The following DNAAF3 variants were observed in gnomAD, a reference collection of about 807,000 sequenced individuals.
The protein encoded by DNAAF3 is dynein axonemal assembly factor 3.
In DNAAF3, 40 loss-of-function variants were observed where a neutral mutation model predicts 50.9. That is an observed-to-expected ratio of 0.79 (90% CI 0.61 to 1.02). DNAAF3 has a LOEUF of 1.02. Ranked by LOEUF, DNAAF3 falls within the 50% of genes least tolerant of loss-of-function variation. The pLI is 0.00. For missense variants in DNAAF3, 763 were observed against 744.7 expected (o/e 1.02, Z -0.29); for synonymous variants, 327 against 322.8 (o/e 1.01, Z -0.14).
Position 55,166,609 on chromosome 19 carries a change from G to GGC in DNAAF3, c.-92_-91insGC, listed in dbSNP as rs1199439750. On this transcript the variant is annotated 5_prime_UTR_variant, in exon 1 of 12. Transcript: ENST00000524407. The surrounding 1 kb of genome is among the most constrained non-coding windows in gnomAD (Gnocchi z 4.0). ...CGCGGCACTCCACAACCGCTGCCCA[G>GGC]AGTCCCCGCCCTTTTCGAGGAATCA... The GGC allele has an allele frequency of 3.7e-6, 6 of 1,613,980 alleles. No individual in the cohort carries two copies. The highest frequency in any genetic ancestry group is 5.1e-6 in the Non-Finnish European group (6 of 1,180,010).
At chr19:55,166,617 GCCCTTTT>G (rs2085944204), upstream of DNAAF3, 7 of 1,613,790 alleles carry the variant, frequency 4.3e-6, no homozygotes, top group Non-Finnish European at 5.9e-6. The surrounding 1 kb of genome is among the most constrained non-coding windows in gnomAD (Gnocchi z 4.0). Flanking sequence ...CAGAGTCCCC[GCCCTTTT>G]CGAGGAATCA....
At position 55,162,299 on chromosome 19, in the gene DNAAF3, A is replaced by AG; in HGVS notation, c.323-10dup. 1 of 1,249,948 alleles carries AG rather than the reference A, an allele frequency of 8.0e-7. No homozygotes were observed. The highest frequency in any genetic ancestry group is 1.0e-6 in the Non-Finnish European group (1 of 988,618). 77.4% of individuals were successfully genotyped at this position (1,249,948 alleles called of 1,614,324 possible). Reference sequence around the variant, plus strand: ...GAAGGTCTCGCTTCGCTCTACGGAGAGAGGGAGATAATTGCGGGAATGTGT... The same window carrying AG: ...GAAGGTCTCGCTTCGCTCTACGGAGAGGAGGGAGATAATTGCGGGAATGTGT... On this transcript the variant is annotated splice_polypyrimidine_tract_variant and intron_variant, in intron 4 of 11. Coordinates refer to ENST00000524407, the MANE Select transcript of DNAAF3 (RefSeq NM_001256715.2).
At chr19:55,162,034 C>A in intron 5 of DNAAF3, 99 bp downstream of exon 5, 1 of 1,334,870 alleles carries the variant, frequency 7.5e-7, no homozygotes, top group South Asian at 2.0e-5. Context: ...TTCGAACCCC[C>A]TAGCCCGCCG....
Position 55,166,481 on chromosome 19 carries a change from C to T in DNAAF3, c.-5+42G>A. On this transcript the variant is annotated intron_variant, in intron 1 of 11. Coordinates refer to ENST00000524407, the MANE Select transcript of DNAAF3 (RefSeq NM_001256715.2). The surrounding 1 kb of genome is among the most constrained non-coding windows in gnomAD (Gnocchi z 4.0). ...GCCCCGCTCCCCTCTCACCGCCCCTCACTTCTCGCCCCTTTGCCTCCACAT... is the reference window on the plus strand; with the variant it reads ...GCCCCGCTCCCCTCTCACCGCCCCTTACTTCTCGCCCCTTTGCCTCCACAT... 1 of 1,613,496 alleles carries T rather than the reference C, an allele frequency of 6.2e-7. No homozygotes were observed. The highest frequency in any genetic ancestry group is 2.2e-5 in the East Asian group (1 of 44,864).
In DNAAF3 at chr19:55,160,958, C is replaced by T. The variant is rs1362318329; in HGVS notation, c.912+107G>A. On this transcript the variant is annotated intron_variant, in intron 8 of 11. Transcript: ENST00000524407. The surrounding 1 kb of genome is among the most constrained non-coding windows in gnomAD (Gnocchi z 4.7). ...GAATGGAGTCGTTCCCACCAAGCGA[C>T]GGGCGGGGTCTGGAGCTGGGGGCGG... 92 of 1,451,286 alleles carry T rather than the reference C, an allele frequency of 6.3e-5. 1 individual carries two copies. Among genetic ancestry groups the T allele is most frequent in the Non-Finnish European group, 7.5e-5 (83 of 1,104,554 alleles). The allele number at this position is 1,451,286 out of a possible 1,614,324, so 89.9% of individuals were successfully genotyped here. A position where few individuals can be genotyped will look rare whatever the true frequency, so the allele number is the denominator to read the frequency against.
intron 4 of DNAAF3, among the ~76,000 whole-genome samples, chr19:55,164,707 T>C (rs111465333): frequency 0.11 from 16,401 of 151,838 alleles, 2,838 homozygotes; most frequent in African/African-American, 0.37. Flanking sequence ...GTATGTTTAG[T>C]AGAGACGGGG....
Position 55,159,224 on chromosome 19 carries a change from T to G in DNAAF3, c.1464A>C (p.Pro488=), listed in dbSNP as rs1473197781. ...GAGGCTGGGTCAGGCCCTCAAGGGC[T>G]GGGTTGCTGGCTTCAAGAGGCTGGG... ...ILAQPLEASN[P]ALEGLTQPLQ... The change falls in exon 12 of 12, where the codon CCA becomes CCC. Residue 488 remains proline, a synonymous_variant. Transcript: ENST00000524407. 2 of 1,613,786 alleles carry G rather than the reference T, an allele frequency of 1.2e-6. No homozygotes were observed. Among genetic ancestry groups the G allele is most frequent in the Non-Finnish European group, 1.7e-6 (2 of 1,180,004 alleles).
At chr19:55,162,751 G>C in intron 4 of DNAAF3, 1 of 883,390 alleles carries the variant, frequency 1.1e-6, no homozygotes, top group Non-Finnish European at 1.4e-6. Flanking sequence ...ACATATTATA[G>C]GTAATCTAGA....
chr19:55,162,146 A>G lies in DNAAF3; in HGVS notation c.467T>C (p.Leu156Pro). ...RLEEQLPWLS[L>P]RALKFRERDA... Reference sequence around the variant, plus strand: ...GGGCGGCGGCACCTTGAGGGCGCGGAGGCTGAGCCAGGGCAGCTGTTCCTC... The same window carrying G: ...GGGCGGCGGCACCTTGAGGGCGCGGGGGCTGAGCCAGGGCAGCTGTTCCTC... Residue 156 changes from leucine to proline, a missense_variant, in exon 5 of 12, where the codon CTC becomes CCC. By Grantham distance (98) the Leu-to-Pro change is moderately conservative (BLOSUM62 -3). Coordinates refer to ENST00000524407, the MANE Select transcript of DNAAF3 (RefSeq NM_001256715.2). 3 of 1,250,734 alleles carry G rather than the reference A, an allele frequency of 2.4e-6. No individual in the cohort carries two copies. Among genetic ancestry groups the G allele is most frequent in the Non-Finnish European group, 3.0e-6 (3 of 991,574 alleles). 77.5% of individuals were successfully genotyped at this position (1,250,734 alleles called of 1,614,324 possible).
Position 55,164,562 on chromosome 19 carries a change from T to A in DNAAF3, c.322+808A>T, listed in dbSNP as rs142668667. Among the ~76,000 whole-genome samples, 417 of 152,222 alleles carry A rather than the reference T, an allele frequency of 2.7e-3. 3 individuals are homozygous for A. Among genetic ancestry groups the A allele is most frequent in the African/African-American group, 9.4e-3 (392 of 41,548 alleles). ...TTTTTAGATGGAGGTTTTGCTTTTG[T>A]CGCCCAGGCTGGAGTGCAGTGGTGT... On this transcript the variant is annotated intron_variant, in intron 4 of 11. Coordinates refer to ENST00000524407, the MANE Select transcript of DNAAF3 (RefSeq NM_001256715.2).
Position 55,165,845 on chromosome 19 carries a change from C to T in DNAAF3, c.228+13G>A. 1.2e-6 allele frequency: 2 copies of T among 1,613,026 alleles called. No homozygotes were observed. Among genetic ancestry groups the T allele is most frequent in the Non-Finnish European group, 8.5e-7 (1 of 1,179,594 alleles). ...ACTCGGGAATCTGGGCTCTCATCTT[C>T]ATCCCAGCTCACGTTGAACCTCCTG... On this transcript the variant is annotated intron_variant, in intron 3 of 11. Coordinates refer to ENST00000524407, the MANE Select transcript of DNAAF3 (RefSeq NM_001256715.2).
chr19:55,159,172 G>T lies in DNAAF3; in HGVS notation c.1516C>A (p.Pro506Thr), dbSNP rs2085770745. 6.2e-7 allele frequency: 1 copy of T among 1,613,760 alleles called. No individual in the cohort carries two copies. Among genetic ancestry groups the T allele is most frequent in the African/African-American group, 1.3e-5 (1 of 74,928 alleles). ...GGAGACTCAGAGGGCAGCTGGCAGGGCTCACAGTGTGGGGTCCCACCCTGC... is the reference window on the plus strand; with the variant it reads ...GGAGACTCAGAGGGCAGCTGGCAGGTCTCACAGTGTGGGGTCCCACCCTGC... ...PLQGGTPHCE[P>T]CQLPSESPGS... The change falls in exon 12 of 12, where the codon CCC becomes ACC. Residue 506 changes from proline (P) to threonine (T), a missense_variant. Transcript: ENST00000524407.
Position 55,158,734 on chromosome 19 carries a change from C to A in DNAAF3, c.*328G>T. 1 of 244,744 alleles carries A rather than the reference C, an allele frequency of 4.1e-6. No homozygotes were observed. The highest frequency in any genetic ancestry group is 8.6e-5 in the East Asian group (1 of 11,678). The allele number at this position is 244,744 out of a possible 1,614,324, so 15.2% of individuals were successfully genotyped here. A position where few individuals can be genotyped will look rare whatever the true frequency, so the allele number is the denominator to read the frequency against. The stretch of plus-strand genomic sequence containing the variant: ...GGCCCTGGTGAGGAGACACCCCAGC[C>A]CCTAGTCAGCCACAGGGTGCCTGGG... On this transcript the variant is annotated 3_prime_UTR_variant, in exon 12 of 12. Transcript: ENST00000524407.
At position 55,163,123 on chromosome 19, in the gene DNAAF3, C is replaced by T. The variant is rs1475713907; in HGVS notation, c.323-833G>A. Among the ~76,000 whole-genome samples the T allele has an allele frequency of 2.0e-5, 3 of 148,830 alleles. No homozygotes were observed. The East Asian group carries it at 6.0e-4, about 30-fold the overall frequency. On this transcript the variant is annotated intron_variant, in intron 4 of 11. Transcript: ENST00000524407. The stretch of plus-strand genomic sequence containing the variant: ...CTCCCGGGTTCACGCCATTCTTCTG[C>T]CTCAGCCTCCGGAGTAGCTGGGACT...
intron 4 of DNAAF3, among the ~76,000 whole-genome samples, chr19:55,165,073 T>A (rs1266701376): frequency 5.2e-5 from 6 of 115,232 alleles, no homozygotes; most frequent in African/African-American, 6.6e-5. Flanking sequence ...TCTGTCACCC[T>A]GGCTGGAGTG....
chr19:55,164,252 G>A (rs553447305), intron 4 of DNAAF3, among the ~76,000 whole-genome samples: 2 of 152,242 alleles, frequency 1.3e-5, no homozygotes, highest in South Asian at 4.1e-4. Flanking sequence ...AGGCCAAGGC[G>A]GGCGGATCAC....
At position 55,161,942 on chromosome 19, in the gene DNAAF3, G is replaced by A. The variant is rs1431510346; in HGVS notation, c.481-117C>T. ...AGGGGAACGATTCCCCCGTTTCTCGGATGGAAAAACTGAGGCTCCGAAAGC... is the reference window on the plus strand; with the variant it reads ...AGGGGAACGATTCCCCCGTTTCTCGAATGGAAAAACTGAGGCTCCGAAAGC... On this transcript the variant is annotated intron_variant, in intron 5 of 11. Coordinates refer to ENST00000524407, the MANE Select transcript of DNAAF3 (RefSeq NM_001256715.2). The surrounding 1 kb of genome is among the most constrained non-coding windows in gnomAD (Gnocchi z 6.4). The A allele has an allele frequency of 2.2e-6, 3 of 1,361,910 alleles. No individual in the cohort carries two copies. Among genetic ancestry groups the A allele is most frequent in the Non-Finnish European group, 2.8e-6 (3 of 1,058,278 alleles). 84.4% of individuals were successfully genotyped at this position (1,361,910 alleles called of 1,614,324 possible).
Position 55,160,670 on chromosome 19 carries a change from C to T in DNAAF3, c.1018G>A (p.Ala340Thr). The T allele has an allele frequency of 6.2e-7, 1 of 1,613,962 alleles. No individual in the cohort carries two copies. The highest frequency in any genetic ancestry group is 8.5e-7 in the Non-Finnish European group (1 of 1,179,970). Residue 340 changes from alanine to threonine, a missense_variant, in exon 9 of 12, where the codon GCG (alanine) becomes ACG (threonine). By Grantham distance (58) the Ala-to-Thr change is moderately conservative. Coordinates refer to ENST00000524407, the MANE Select transcript of DNAAF3 (RefSeq NM_001256715.2). The surrounding 1 kb of genome is among the most constrained non-coding windows in gnomAD (Gnocchi z 4.7). ...TGGDLEEQQH[A>T]EGSPEPGTPA... The stretch of plus-strand genomic sequence containing the variant: ...GTCCCTGGCTCCGGGCTTCCCTCCG[C>T]GTGCTGCTGCTCCTCCAGGTCCCCC...
intron 3 of DNAAF3, 28 bp downstream of exon 3, chr19:55,165,830 C>T (rs1568868749): frequency 6.2e-7 from 1 of 1,609,926 alleles, no homozygotes; most frequent in Non-Finnish European, 8.5e-7. Flanking sequence ...ACTCGGGAAT[C>T]TGGGCTCTCA....
Sources: gnomAD v4.1 joint callset for allele counts (sites outside exome capture counted in the v4.1 genomes callset) on GRCh38, gnomAD v4.1.1 for gene constraint, Gnocchi (gnomAD v3.1) non-coding constraint, MANE v1.5 for transcripts, NCBI Gene and HGNC (gene_info 2026-07-23, HGNC 2026-07-21) for gene names.